Variants in ZYG11B observed in about 807,000 individuals in gnomAD.
The protein encoded by ZYG11B is protein zyg-11 homolog B.
A neutral mutation model predicts 82.4 loss-of-function variants in ZYG11B; 36 were observed. The ratio of observed to expected loss-of-function variants is 0.44; its 90% CI spans 0.33 to 0.58. The LOEUF is 0.58. ZYG11B is among the 20% of genes least tolerant of loss of function. ZYG11B has a pLI of 0.02. For synonymous variants in ZYG11B, 303 were observed against 312.8 expected (o/e 0.97, Z 0.33); for missense variants, 552 against 895.6 (o/e 0.62, Z 4.90).
intron 8 of ZYG11B, among the ~76,000 whole-genome samples, chr1:52,799,477 G>C (rs1319139663): frequency 7.1e-6 from 1 of 141,196 alleles, no homozygotes; most frequent in Non-Finnish European, 1.5e-5. Flanking sequence ...ACAGAGCAAG[G>C]CTCTGTCTCA....
At chr1:52,802,606 C>T (rs1645085516) in intron 10 of ZYG11B, among the ~76,000 whole-genome samples, 1 of 151,698 alleles carries the variant, frequency 6.6e-6, no homozygotes, top group Non-Finnish European at 1.5e-5. Context: ...CTACCTCGGC[C>T]TCCCAAAGTG....
Position 52,771,430 on chromosome 1 carries a change from G to T in ZYG11B, c.607G>T (p.Ala203Ser). The change falls in exon 3 of 14, where the codon GCT (alanine) becomes TCT (serine). Residue 203 changes from alanine to serine, a missense_variant. Physicochemically the swap from Ala to Ser is moderately conservative, Grantham distance 99. This residue lies in a region of ZYG11B where 359 missense variants were observed against 555.8 expected (regional missense o/e 0.65). Coordinates refer to ENST00000294353, the MANE Select transcript of ZYG11B (RefSeq NM_024646.3). The surrounding 1 kb of genome is among the most constrained non-coding windows in gnomAD (Gnocchi z 5.4). ...ISNTSITDIT[A>S]LLACKDRLKS... ...TAACACCTCAATCACAGACATCACT[G>T]CTCTACTGGCCTGCAAAGACCGACT... 6.2e-7 allele frequency: 1 copy of T among 1,613,930 alleles called. No individual in the cohort carries two copies. Among genetic ancestry groups the T allele is most frequent in the Non-Finnish European group, 8.5e-7 (1 of 1,180,036 alleles).
chr1:52,746,692 T>TTTTTTTTTTG, intron 1 of ZYG11B, among the ~76,000 whole-genome samples: 1 of 119,956 alleles, frequency 8.3e-6, no homozygotes, highest in Non-Finnish European at 1.7e-5. Flanking sequence ...CCACTGTTTT[T>TTTTTTTTTTG]TTTTTTTTTT....
intron 1 of ZYG11B, 32 bp downstream of exon 1, chr1:52,726,715 C>G (rs1046253603): frequency 6.8e-7 from 1 of 1,461,820 alleles, no homozygotes; most frequent in African/African-American, 1.5e-5. Context: ...TAGCCGCAGC[C>G]GCCCGCCACC....
At chr1:52,800,811 A>G (rs1201133428) in intron 8 of ZYG11B, among the ~76,000 whole-genome samples, 1 of 152,112 alleles carries the variant, frequency 6.6e-6, no homozygotes, top group African/African-American at 2.4e-5. Flanking sequence ...CTCTGTCCCA[A>G]AAAAATTAAA....
chr1:52,734,170 T>C (rs2149917653), intron 1 of ZYG11B, among the ~76,000 whole-genome samples: 1 of 152,116 alleles, frequency 6.6e-6, no homozygotes, highest in East Asian at 1.9e-4. Context: ...GCTAATTTTT[T>C]TTATTTTTGT....
chr1:52,770,427 TA>T lies in ZYG11B; in HGVS notation c.197-590del, dbSNP rs557965311. 4.6e-5 allele frequency among the ~76,000 whole-genome samples: 7 copies of T among 152,292 alleles called. No homozygotes were observed. In the South Asian group the frequency reaches 1.2e-3, roughly 27 times the overall value. On this transcript the variant is annotated intron_variant, in intron 2 of 13. Coordinates refer to ENST00000294353, the MANE Select transcript of ZYG11B (RefSeq NM_024646.3). ...GTATAATAATATGTTAAGGTGAATTTAAAGGATAGGCTAGAAATGTATTGGT... is the reference window on the plus strand; with the variant it reads ...GTATAATAATATGTTAAGGTGAATTTAAGGATAGGCTAGAAATGTATTGGT...
chr1:52,783,485 C>A (rs577028239), intron 4 of ZYG11B, among the ~76,000 whole-genome samples: 1 of 151,502 alleles, frequency 6.6e-6, no homozygotes, highest in East Asian at 2.0e-4. Flanking sequence ...TACAAAGGAC[C>A]CCAAAAGATT....
Position 52,771,252 on chromosome 1 carries a change from G to A in ZYG11B, c.429G>A (p.Leu143=). The part of the protein sequence containing the change: ...WIQQNLQCLV[L]NSLTLSLEDP... ...AGCAGAATCTCCAGTGCCTGGTGCT[G>A]AATTCATTAACTCTCTCCCTCGAGG... Residue 143 remains leucine, a synonymous_variant, in exon 3 of 14, where the codon CTG becomes CTA. Coordinates refer to ENST00000294353, the MANE Select transcript of ZYG11B (RefSeq NM_024646.3). The surrounding 1 kb of genome is among the most constrained non-coding windows in gnomAD (Gnocchi z 5.4). 1.2e-6 allele frequency: 2 copies of A among 1,614,210 alleles called. No individual in the cohort carries two copies. The highest frequency in any genetic ancestry group is 1.1e-5 in the South Asian group (1 of 91,090).
chr1:52,746,774 C>T (rs1457165510), intron 1 of ZYG11B, among the ~76,000 whole-genome samples: 1 of 121,004 alleles, frequency 8.3e-6, no homozygotes, highest in African/African-American at 3.1e-5. Context: ...TGCTCAGGGG[C>T]TGTGTCACTC....
intron 1 of ZYG11B, among the ~76,000 whole-genome samples, chr1:52,748,432 G>A (rs1644493602): frequency 6.6e-6 from 1 of 152,208 alleles, no homozygotes; most frequent in Non-Finnish European, 1.5e-5. Flanking sequence ...ATAGGTGGCT[G>A]GCACCACACA....
In ZYG11B at chr1:52,825,314, G is replaced by A. The variant is rs779265733; in HGVS notation, c.*3685G>A. Reference sequence around the variant, plus strand: ...TAAGGGATTAGTTTACCCTCAAGCCGATGACTCCATGGCTACTGATATTAG... The same window carrying A: ...TAAGGGATTAGTTTACCCTCAAGCCAATGACTCCATGGCTACTGATATTAG... On this transcript the variant is annotated 3_prime_UTR_variant, in exon 14 of 14. Transcript: ENST00000294353. The A allele has an allele frequency of 3.3e-5, 5 of 152,030 alleles. No individual in the cohort carries two copies. The highest frequency in any genetic ancestry group is 7.4e-5 in the Non-Finnish European group (5 of 68,026). The allele number at this position is 152,030 out of a possible 1,614,324, so 9.4% of individuals were successfully genotyped here. A position where few individuals can be genotyped will look rare whatever the true frequency, so the allele number is the denominator to read the frequency against.
At chr1:52,733,162 G>A (rs569443765) in intron 1 of ZYG11B, among the ~76,000 whole-genome samples, 2 of 152,166 alleles carry the variant, frequency 1.3e-5, no homozygotes, top group East Asian at 1.9e-4. Flanking sequence ...TTGAATTTCT[G>A]TACGTAAAAT....
intron 13 of ZYG11B, among the ~76,000 whole-genome samples, chr1:52,817,899 G>A (rs1161402399): frequency 8.1e-6 from 1 of 123,782 alleles, no homozygotes; most frequent in East Asian, 2.6e-4. Context: ...GTGCAGTGGT[G>A]CGATCTCGGC....
intron 2 of ZYG11B, among the ~76,000 whole-genome samples, chr1:52,762,318 C>G (rs1644639049): frequency 6.6e-6 from 1 of 151,772 alleles, no homozygotes; most frequent in Admixed American, 6.6e-5. Context: ...AGCAATCCTC[C>G]TGCTTCAGCC....
chr1:52,819,538 A>G (rs1645263136), intron 13 of ZYG11B, among the ~76,000 whole-genome samples: 1 of 152,108 alleles, frequency 6.6e-6, no homozygotes, highest in Admixed American at 6.5e-5. Flanking sequence ...CTGTATTCCC[A>G]GCACTTTCGG....
intron 1 of ZYG11B, among the ~76,000 whole-genome samples, chr1:52,738,499 G>T (rs1644396643): frequency 1.3e-5 from 2 of 151,816 alleles, no homozygotes; most frequent in South Asian, 4.2e-4. Context: ...TTTATATAAA[G>T]ATCTTTTGTT....
At chr1:52,741,291 T>A (rs749619404) in intron 1 of ZYG11B, among the ~76,000 whole-genome samples, 29 of 83,518 alleles carry the variant, frequency 3.5e-4, no homozygotes, top group South Asian at 1.1e-3. Context: ...AGAGTGAGAC[T>A]TCGTCTCAAA....
rs1411214026 is a variant in ZYG11B, at chr1:52,771,246, G to A, written c.423G>A (p.Leu141=). 6.2e-7 allele frequency: 1 copy of A among 1,614,078 alleles called. No individual in the cohort carries two copies. Among genetic ancestry groups the A allele is most frequent in the Non-Finnish European group, 8.5e-7 (1 of 1,180,016 alleles). Reference sequence around the variant, plus strand: ...GGATCCAGCAGAATCTCCAGTGCCTGGTGCTGAATTCATTAACTCTCTCCC... The same window carrying A: ...GGATCCAGCAGAATCTCCAGTGCCTAGTGCTGAATTCATTAACTCTCTCCC... ...NKWIQQNLQC[L]VLNSLTLSLE... is the part of the protein sequence containing the mutation. Residue 141 remains leucine (L), a synonymous_variant, in exon 3 of 14, where the codon CTG becomes CTA. Coordinates refer to ENST00000294353, the MANE Select transcript of ZYG11B (RefSeq NM_024646.3). This position sits in a 1 kb window ranked among gnomAD's most constrained non-coding sequence, Gnocchi z 5.4.
Sources: allele counts gnomAD v4.1 joint callset (sites outside exome capture counted in the v4.1 genomes callset), GRCh38; gene constraint gnomAD v4.1.1; regional missense constraint gnomAD v4.1.1; non-coding constraint Gnocchi (gnomAD v3.1); transcripts MANE v1.5; gene names NCBI Gene and HGNC (gene_info 2026-07-23, HGNC 2026-07-21).